Variants in AGBL4 observed in about 807,000 individuals in gnomAD.
AGBL4 encodes the protein cytosolic carboxypeptidase 6.
A neutral mutation model predicts 66.4 loss-of-function variants in AGBL4; 58 were observed. The observed-to-expected ratio is 0.87, with a 90% confidence interval of 0.71 to 1.09. The LOEUF (loss-of-function observed/expected upper bound fraction) is 1.09, where lower values mean the gene tolerates loss of function less well. Ranked by LOEUF, AGBL4 falls within the 50% of genes least tolerant of loss-of-function variation. The pLI is 0.00. For synonymous variants in AGBL4, 234 were observed against 222.9 expected, an observed-to-expected ratio of 1.05 and a Z score of -0.44; for missense variants, 579 against 631.0, an observed-to-expected ratio of 0.92 and a Z score of 0.88.
At chr1:48,795,353 G>A (rs941048087) in intron 6 of AGBL4, among the ~76,000 whole-genome samples, 4 of 152,108 alleles carry the variant, frequency 2.6e-5, no homozygotes, top group African/African-American at 9.7e-5. Flanking sequence ...CTTTGCTTCA[G>A]TCAAACTGGC....
intron 4 of AGBL4, among the ~76,000 whole-genome samples, chr1:49,169,648 C>T (rs138851378): frequency 1.1e-3 from 174 of 152,252 alleles, no homozygotes; most frequent in African/African-American, 4.1e-3. Context: ...TCCCATCCTG[C>T]TTAGGGGATG....
intron 6 of AGBL4, among the ~76,000 whole-genome samples, chr1:48,743,759 T>A (rs114056380): frequency 6.6e-6 from 1 of 152,152 alleles, no homozygotes; most frequent in Admixed American, 6.5e-5. Flanking sequence ...TCTTTATATA[T>A]TAAAGCCCTT....
intron 3 of AGBL4, among the ~76,000 whole-genome samples, chr1:49,387,461 G>A (rs1470715526): frequency 6.6e-6 from 1 of 151,276 alleles, no homozygotes; most frequent in Non-Finnish European, 1.5e-5. Context: ...AAAACAGACC[G>A]GGAAATGAAT....
intron 1 of AGBL4, among the ~76,000 whole-genome samples, chr1:50,020,173 C>G (rs572431379): frequency 6.6e-6 from 1 of 152,148 alleles, no homozygotes; most frequent in East Asian, 1.9e-4. Flanking sequence ...TTCTCCAAAA[C>G]TTAATGTCTG....
intron 6 of AGBL4, among the ~76,000 whole-genome samples, chr1:48,719,369 T>G (rs1647106286): frequency 6.6e-6 from 1 of 152,100 alleles, no homozygotes; most frequent in Non-Finnish European, 1.5e-5. Context: ...TGCCAGCACT[T>G]AAGGAGGAAG....
At chr1:49,580,670 C>T (rs1644524292) in intron 3 of AGBL4, among the ~76,000 whole-genome samples, 1 of 152,090 alleles carries the variant, frequency 6.6e-6, no homozygotes. Flanking sequence ...ATATAGAATT[C>T]TTTACTGACA....
At chr1:48,620,316 G>A (rs114256626) in intron 9 of AGBL4, among the ~76,000 whole-genome samples, 1,835 of 152,226 alleles carry the variant, frequency 0.012, 17 homozygotes, top group Middle Eastern at 0.02. Flanking sequence ...TGTCTCCCAG[G>A]CTGAAGTTCA....
At chr1:49,723,947 C>G (rs1433664436) in intron 2 of AGBL4, among the ~76,000 whole-genome samples, 1 of 152,086 alleles carries the variant, frequency 6.6e-6, no homozygotes, top group Admixed American at 6.6e-5. Context: ...CATCAGGATT[C>G]CAGGCCTAAG....
intron 1 of AGBL4, among the ~76,000 whole-genome samples, chr1:49,975,050 T>C (rs1159418530): frequency 6.6e-6 from 1 of 152,204 alleles, no homozygotes; most frequent in Non-Finnish European, 1.5e-5. Flanking sequence ...GTAGTTGCTA[T>C]AGAAACTATT....
chr1:49,427,339 A>C (rs1406414143), intron 3 of AGBL4, among the ~76,000 whole-genome samples: 3 of 152,188 alleles, frequency 2.0e-5, no homozygotes, highest in Admixed American at 6.5e-5. Flanking sequence ...GGGAGAATTT[A>C]GAATTTAGAA....
intron 11 of AGBL4, among the ~76,000 whole-genome samples, chr1:48,570,821 G>A (rs1278813827): frequency 6.6e-6 from 1 of 152,168 alleles, no homozygotes; most frequent in African/African-American, 2.4e-5. Flanking sequence ...GTCTGCCTTA[G>A]TGCGTATAAG....
In AGBL4 at chr1:49,286,018, T is replaced by A. The variant is rs538622195; in HGVS notation, c.283-40154A>T. 2.6e-5 allele frequency among the ~76,000 whole-genome samples: 4 copies of A among 152,236 alleles called. No individual in the cohort carries two copies. The East Asian group carries it at 7.7e-4, about 29-fold the overall frequency. On this transcript the variant is annotated intron_variant, in intron 3 of 13. Transcript: ENST00000371839. Reference sequence around the variant, plus strand: ...ACATCAAAAAGCTTATCCACCATGATCAAGTGGGCTTCATCCCTGCGATGC... The same window carrying A: ...ACATCAAAAAGCTTATCCACCATGAACAAGTGGGCTTCATCCCTGCGATGC...
chr1:49,622,351 C>T (rs1645376994), intron 3 of AGBL4, among the ~76,000 whole-genome samples: 2 of 152,092 alleles, frequency 1.3e-5, no homozygotes, highest in Non-Finnish European at 1.5e-5. Context: ...TAATGTTGGC[C>T]GGGCGCGGTG....
chr1:49,426,761 C>G (rs760897642), intron 3 of AGBL4, among the ~76,000 whole-genome samples: 5 of 152,094 alleles, frequency 3.3e-5, no homozygotes, highest in Non-Finnish European at 5.9e-5. Flanking sequence ...GTAGCCTGAC[C>G]AGAGTCTACA....
At chr1:49,298,988 GACAA>G (rs1047964560) in intron 3 of AGBL4, among the ~76,000 whole-genome samples, 2 of 152,080 alleles carry the variant, frequency 1.3e-5, no homozygotes, top group East Asian at 1.9e-4. Context: ...TATCATCAAA[GACAA>G]ACAATGGATA....
In AGBL4 at chr1:50,023,910, G is replaced by T; in HGVS notation, c.-114C>A. 1.6e-6 allele frequency: 2 copies of T among 1,252,250 alleles called. No individual in the cohort carries two copies. The highest frequency in any genetic ancestry group is 2.1e-6 in the Non-Finnish European group (2 of 935,976). 77.6% of individuals were successfully genotyped at this position (1,252,250 alleles called of 1,614,324 possible). ...CTCAGGAAGACGCGGCACGACGGTT[G>T]CCTGGGCAACGGGCGGCAGGCGCGC... On this transcript the variant is annotated 5_prime_UTR_variant, in exon 1 of 14. Coordinates refer to ENST00000371839, the MANE Select transcript of AGBL4 (RefSeq NM_032785.4).
intron 5 of AGBL4, among the ~76,000 whole-genome samples, chr1:48,998,528 A>T (rs1178856747): frequency 6.6e-6 from 1 of 152,184 alleles, no homozygotes; most frequent in Non-Finnish European, 1.5e-5. Context: ...GACCAGTGGG[A>T]TGTAAATGAA....
chr1:48,627,123 T>C (rs925134674), intron 9 of AGBL4, among the ~76,000 whole-genome samples: 2 of 152,144 alleles, frequency 1.3e-5, no homozygotes, highest in Non-Finnish European at 2.9e-5. Flanking sequence ...CTGTCAGGTA[T>C]GGACACTCGG....
At chr1:49,415,602 A>C (rs749441060) in intron 3 of AGBL4, among the ~76,000 whole-genome samples, 1 of 152,106 alleles carries the variant, frequency 6.6e-6, no homozygotes, top group Non-Finnish European at 1.5e-5. Flanking sequence ...GTTCTAAAGA[A>C]CCTTGAGAGT....
Sources: allele counts gnomAD v4.1 joint callset (sites outside exome capture counted in the v4.1 genomes callset), GRCh38; gene constraint gnomAD v4.1.1; transcripts MANE v1.5; gene names NCBI Gene and HGNC (gene_info 2026-07-23, HGNC 2026-07-21).